AGAP1: variants seen among roughly 807,000 people sequenced by gnomAD.
The protein encoded by AGAP1 is arf-GAP with GTPase, ANK repeat and PH domain-containing protein 1.
AGAP1 carries 29 observed loss-of-function variants against 105.3 expected under a neutral mutation model. That is an observed-to-expected ratio of 0.28 (90% CI 0.21 to 0.38). The LOEUF (loss-of-function observed/expected upper bound fraction) is 0.38. Among genes scored for constraint, AGAP1 ranks in the 10% least tolerant of loss-of-function variants. AGAP1 has a pLI of 1.00. For missense variants in AGAP1, 998 were observed against 1,165.1 expected (o/e 0.86, Z 2.09); for synonymous variants, 509 against 485.9 (o/e 1.05, Z -0.63).
At chr2:235,626,748 G>T (rs1559298229) in intron 1 of AGAP1, among the ~76,000 whole-genome samples, 1 of 152,190 alleles carries the variant, frequency 6.6e-6, no homozygotes, top group Non-Finnish European at 1.5e-5. Flanking sequence ...TTCCAGAATG[G>T]GCTGGATGGT....
At chr2:235,545,467 T>C (rs551956380) in intron 1 of AGAP1, among the ~76,000 whole-genome samples, 2 of 152,328 alleles carry the variant, frequency 1.3e-5, no homozygotes, top group South Asian at 4.1e-4. Context: ...GCCAGAACCT[T>C]TCTGGGTCTC....
At chr2:235,670,822 C>A in intron 1 of AGAP1, 2 of 1,420,512 alleles carry the variant, frequency 1.4e-6, no homozygotes, top group Non-Finnish European at 1.9e-6. Flanking sequence ...CGCTGGACAA[C>A]AGCGACCTGC....
rs1240014532 is a variant in AGAP1, at chr2:235,998,655, AGGTGGTGGT to A, written c.1645+30046_1645+30054del. 3.3e-5 allele frequency among the ~76,000 whole-genome samples: 5 copies of A among 151,934 alleles called. No individual in the cohort carries two copies. The East Asian group carries it at 9.7e-4, about 29-fold the overall frequency. On this transcript the variant is annotated intron_variant, in intron 13 of 17. Transcript: ENST00000304032. ...GGATGGTGACGGTGATGATGGTGAG[AGGTGGTGGT>A]GGTGGTGGTGGTGACGATGGTGGTG...
At chr2:235,523,307 C>T (rs1464033589) in intron 1 of AGAP1, among the ~76,000 whole-genome samples, 1 of 152,200 alleles carries the variant, frequency 6.6e-6, no homozygotes, top group Non-Finnish European at 1.5e-5. Flanking sequence ...CACATGCATT[C>T]AGCCCATAAC....
intron 1 of AGAP1, among the ~76,000 whole-genome samples, chr2:235,632,736 A>G (rs1383516822): frequency 6.6e-6 from 1 of 152,066 alleles, no homozygotes; most frequent in Non-Finnish European, 1.5e-5. Context: ...CCCATGCTAA[A>G]CAGTGCCCGC....
intron 6 of AGAP1, among the ~76,000 whole-genome samples, chr2:235,778,299 A>T (rs892903950): frequency 2.0e-5 from 3 of 151,784 alleles, no homozygotes; most frequent in South Asian, 2.1e-4. Flanking sequence ...TGCACTTTCC[A>T]CTTTGGGTAT....
At chr2:235,673,634 AAAG>A (rs1445057564) in intron 1 of AGAP1, among the ~76,000 whole-genome samples, 1 of 152,226 alleles carries the variant, frequency 6.6e-6, no homozygotes, top group African/African-American at 2.4e-5. Flanking sequence ...CCATTTATGA[AAAG>A]AAGTTCCATT....
intron 1 of AGAP1, among the ~76,000 whole-genome samples, chr2:235,587,806 AGGCCAGT>A (rs1945170016): frequency 6.6e-6 from 1 of 151,594 alleles, no homozygotes; most frequent in Non-Finnish European, 1.5e-5. Flanking sequence ...CGGGCTTAAG[AGGCCAGT>A]GTGAGGGTCA....
chr2:235,518,069 G>A (rs1942469102), intron 1 of AGAP1, among the ~76,000 whole-genome samples: 1 of 152,184 alleles, frequency 6.6e-6, no homozygotes, highest in Non-Finnish European at 1.5e-5. Flanking sequence ...AGCCTCCGAA[G>A]GTGCAGCGCA....
chr2:236,047,203 G>T (rs1038017539), intron 15 of AGAP1, among the ~76,000 whole-genome samples: 1 of 152,208 alleles, frequency 6.6e-6, no homozygotes, highest in African/African-American at 2.4e-5. Context: ...GGTCTTTTGG[G>T]TTTCGCCCTG....
Position 235,789,438 on chromosome 2 carries a change from C to G in AGAP1, c.674-8321C>G, listed in dbSNP as rs752971628. 9.2e-5 allele frequency among the ~76,000 whole-genome samples: 14 copies of G among 151,918 alleles called. No homozygotes were observed. Among genetic ancestry groups the G allele is most frequent in the Non-Finnish European group, 1.6e-4 (11 of 68,006 alleles). On this transcript the variant is annotated intron_variant, in intron 6 of 17. Coordinates refer to ENST00000304032, the MANE Select transcript of AGAP1 (RefSeq NM_001037131.3). This position sits in a 1 kb window ranked among gnomAD's most constrained non-coding sequence, Gnocchi z 4.2. ...AATTAACAACCCTAATAGGTAATTG[C>G]GACATAAATGAAGATAAATTTGTTT...
Position 235,725,442 on chromosome 2 carries a change from A to G in AGAP1, c.310+7798A>G, listed in dbSNP as rs1376498394. Among the ~76,000 whole-genome samples the G allele has an allele frequency of 6.6e-6, 1 of 152,014 alleles. No homozygotes were observed. The highest frequency in any genetic ancestry group is 1.9e-4 in the East Asian group (1 of 5,182). ...TTAAAAAAAAAGGTTGTCAGCTACC[A>G]CTGCATCCCAGATGTTAGAGTTTAT... On this transcript the variant is annotated intron_variant, in intron 3 of 17. Coordinates refer to ENST00000304032, the MANE Select transcript of AGAP1 (RefSeq NM_001037131.3). The surrounding 1 kb of genome is among the most constrained non-coding windows in gnomAD (Gnocchi z 5.7).
At chr2:236,100,178 C>T (rs941139496) in intron 16 of AGAP1, among the ~76,000 whole-genome samples, 23 of 152,190 alleles carry the variant, frequency 1.5e-4, no homozygotes, top group African/African-American at 4.1e-4. Context: ...AGGCCCCCTC[C>T]GTGCCCCTCT....
At chr2:235,956,259 C>T (rs2053945140) in intron 12 of AGAP1, among the ~76,000 whole-genome samples, 1 of 152,176 alleles carries the variant, frequency 6.6e-6, no homozygotes, top group Non-Finnish European at 1.5e-5. Context: ...CGTGCCTTCC[C>T]ATTTATCGGA....
chr2:235,909,074 T>G (rs1056015215), intron 11 of AGAP1, among the ~76,000 whole-genome samples, 168 bp downstream of exon 11: 1 of 152,204 alleles, frequency 6.6e-6, no homozygotes. Flanking sequence ...CTTTAAACTT[T>G]CAGTTCCGCA....
At position 235,845,697 on chromosome 2, in the gene AGAP1, A is replaced by G. The variant is rs912990908; in HGVS notation, c.1051-37648A>G. Among the ~76,000 whole-genome samples, 1 of 151,774 alleles carries G rather than the reference A, an allele frequency of 6.6e-6. No homozygotes were observed. The highest frequency in any genetic ancestry group is 2.4e-5 in the African/African-American group (1 of 41,316). On this transcript the variant is annotated intron_variant, in intron 9 of 17. Coordinates refer to ENST00000304032, the MANE Select transcript of AGAP1 (RefSeq NM_001037131.3). The surrounding 1 kb of genome is among the most constrained non-coding windows in gnomAD (Gnocchi z 4.8). ...TCGGTGACATCCACGGAGTCACCCA[A>G]GTCACCAGCCGGGACTATTCCTGAT...
intron 1 of AGAP1, among the ~76,000 whole-genome samples, chr2:235,658,717 G>A (rs1396738204): frequency 6.6e-6 from 1 of 152,136 alleles, no homozygotes; most frequent in Non-Finnish European, 1.5e-5. Flanking sequence ...GGAAGGAAAC[G>A]GGGACTTCCC....
chr2:235,613,385 A>G (rs1254279753), intron 1 of AGAP1, among the ~76,000 whole-genome samples: 1 of 152,206 alleles, frequency 6.6e-6, no homozygotes, highest in Admixed American at 6.5e-5. Flanking sequence ...TGATAAGCAA[A>G]TGGGTTCTAT....
At chr2:235,605,636 G>T (rs149402718) in intron 1 of AGAP1, among the ~76,000 whole-genome samples, 7 of 152,344 alleles carry the variant, frequency 4.6e-5, no homozygotes, top group African/African-American at 1.7e-4. Context: ...TTTAAGAAAT[G>T]CAGGCACAGA....
Sources: allele counts gnomAD v4.1 joint callset (sites outside exome capture counted in the v4.1 genomes callset), GRCh38; gene constraint gnomAD v4.1.1; non-coding constraint Gnocchi (gnomAD v3.1); transcripts MANE v1.5; gene names NCBI Gene and HGNC (gene_info 2026-07-23, HGNC 2026-07-21).